The following EVA1A variants were observed in gnomAD, a reference collection of about 807,000 sequenced individuals.
EVA1A encodes protein eva-1 homolog A.
A neutral mutation model predicts 9.8 loss-of-function variants in EVA1A; 7 were observed. The observed-to-expected ratio is 0.71, with a 90% CI of 0.41 to 1.34. The LOEUF is 1.34. Ranked by LOEUF, EVA1A falls within the 40% of genes most tolerant of loss-of-function variation. The pLI, the probability that EVA1A is intolerant of heterozygous loss-of-function variation, is 0.01. For missense variants in EVA1A, 206 were observed against 205.9 expected, an observed-to-expected ratio of 1.00 and a Z score of 0.00; for synonymous variants, 90 against 85.6, an observed-to-expected ratio of 1.05 and a Z score of -0.28.
chr2:75,565,444 T>C (rs1416894597), upstream of EVA1A, among the ~76,000 whole-genome samples: 1 of 152,152 alleles, frequency 6.6e-6, no homozygotes, highest in Non-Finnish European at 1.5e-5. Context: ...CTCTCCTGTG[T>C]GCGGAGTATT....
intron 1 of EVA1A, among the ~76,000 whole-genome samples, chr2:75,548,805 T>A (rs1259339095): frequency 6.6e-6 from 1 of 151,936 alleles, no homozygotes; most frequent in Admixed American, 6.6e-5. Context: ...CAGTTTATAA[T>A]CATCATGTAT....
intron 2 of EVA1A, chr2:75,518,494 A>G (rs1358004117): frequency 7.2e-6 from 5 of 689,726 alleles, no homozygotes; most frequent in Non-Finnish European, 9.1e-6. Flanking sequence ...CAGTGGGGCC[A>G]CAAAGATTTG....
intron 3 of EVA1A, among the ~76,000 whole-genome samples, chr2:75,495,018 G>A (rs1409681529): frequency 1.3e-5 from 2 of 152,152 alleles, no homozygotes; most frequent in East Asian, 1.9e-4. Flanking sequence ...AGGTACCTAC[G>A]AGGACAAAGG....
At chr2:75,548,995 T>C (rs984455850) in intron 1 of EVA1A, among the ~76,000 whole-genome samples, 4 of 91,806 alleles carry the variant, frequency 4.4e-5, no homozygotes, top group African/African-American at 2.2e-4. Flanking sequence ...TATATATATA[T>C]ATATATATAT....
chr2:75,560,200 T>C (rs1019003498), intron 1 of EVA1A, among the ~76,000 whole-genome samples: 2 of 151,096 alleles, frequency 1.3e-5, no homozygotes, highest in South Asian at 2.1e-4. Flanking sequence ...GTCCTGGGGG[T>C]CGCCAAATGC....
chr2:75,544,285 G>C (rs1289763524), intron 1 of EVA1A, among the ~76,000 whole-genome samples: 1 of 152,192 alleles, frequency 6.6e-6, no homozygotes, highest in Non-Finnish European at 1.5e-5. Flanking sequence ...GCCAGGAAGG[G>C]CTCAGGGACT....
intron 3 of EVA1A, among the ~76,000 whole-genome samples, chr2:75,493,914 G>T (rs1247975667): frequency 6.6e-6 from 1 of 152,206 alleles, no homozygotes; most frequent in Non-Finnish European, 1.5e-5. Context: ...GCAAGCAGCC[G>T]TGCTTAGGTG....
chr2:75,565,753 G>T (rs921914229), upstream of EVA1A, among the ~76,000 whole-genome samples: 3 of 152,164 alleles, frequency 2.0e-5, no homozygotes, highest in African/African-American at 7.2e-5. Context: ...AAAGGAAATT[G>T]CCTCATGGCC....
At chr2:75,495,055 A>G (rs1202048226) in intron 3 of EVA1A, among the ~76,000 whole-genome samples, 1 of 152,066 alleles carries the variant, frequency 6.6e-6, no homozygotes, top group Non-Finnish European at 1.5e-5. Flanking sequence ...AGTACACCGT[A>G]CCCAATGTAT....
At chr2:75,527,027 A>C (rs1675470353) in intron 1 of EVA1A, among the ~76,000 whole-genome samples, 1 of 152,162 alleles carries the variant, frequency 6.6e-6, no homozygotes, top group Admixed American at 6.5e-5. Flanking sequence ...AACCCAACAC[A>C]ACTGGTGCAG....
intron 3 of EVA1A, among the ~76,000 whole-genome samples, chr2:75,507,451 A>T (rs1263922694): frequency 6.6e-6 from 1 of 152,124 alleles, no homozygotes; most frequent in Non-Finnish European, 1.5e-5. Context: ...AATTTCTAGA[A>T]TTTCCAAAGA....
chr2:75,497,476 C>G (rs779262722), intron 3 of EVA1A, among the ~76,000 whole-genome samples: 1 of 152,032 alleles, frequency 6.6e-6, no homozygotes, highest in African/African-American at 2.4e-5. Flanking sequence ...ATCAAAACCA[C>G]GACGAGATAC....
In EVA1A at chr2:75,536,824, C is replaced by CA. The variant is rs145872980; in HGVS notation, c.-191-14338dup. On this transcript the variant is annotated intron_variant, in intron 1 of 3. Transcript: ENST00000393913. The stretch of plus-strand genomic sequence containing the variant: ...ATTCGTAATTTTAACCCCCCCGCTC[C>CA]AAAAAAAAACAACTTCAGGCCTAGA... 1.3e-3 allele frequency among the ~76,000 whole-genome samples: 194 copies of CA among 149,368 alleles called. 4 individuals carry two copies. The East Asian group carries it at 0.017, about 13-fold the overall frequency.
chr2:75,543,992 A>T (rs1465190839), intron 1 of EVA1A, among the ~76,000 whole-genome samples: 1 of 152,216 alleles, frequency 6.6e-6, no homozygotes, highest in Non-Finnish European at 1.5e-5. Flanking sequence ...TAAAATGGTA[A>T]ACACAGACAA....
At chr2:75,513,021 T>C (rs937376946) in intron 3 of EVA1A, among the ~76,000 whole-genome samples, 1 of 152,200 alleles carries the variant, frequency 6.6e-6, no homozygotes, top group Non-Finnish European at 1.5e-5. Flanking sequence ...GGAGATCTAC[T>C]GGAACCTCCT....
At chr2:75,560,217 C>T (rs945762624) in intron 1 of EVA1A, among the ~76,000 whole-genome samples, 6 of 152,100 alleles carry the variant, frequency 3.9e-5, no homozygotes, top group Non-Finnish European at 7.3e-5. Flanking sequence ...ATGCGCGCGG[C>T]GAGTTGGCTG....
chr2:75,514,757 G>A (rs1343330400), intron 3 of EVA1A, among the ~76,000 whole-genome samples: 2 of 152,036 alleles, frequency 1.3e-5, no homozygotes, highest in Non-Finnish European at 2.9e-5. Flanking sequence ...AAATAATTCT[G>A]AGATCAATCA....
chr2:75,497,850 C>CAAA (rs33933086), intron 3 of EVA1A, among the ~76,000 whole-genome samples: 3,327 of 65,902 alleles, frequency 0.05, 236 homozygotes, highest in African/African-American at 0.091. Context: ...GATCCTGTCT[C>CAAA]AAAAAAAAAA....
chr2:75,502,718 A>G (rs1280242433), intron 3 of EVA1A, among the ~76,000 whole-genome samples: 7 of 152,188 alleles, frequency 4.6e-5, no homozygotes, highest in Non-Finnish European at 1.0e-4. Flanking sequence ...TCTCTTTGCC[A>G]AGATCTGGAA....
Sources: allele counts gnomAD v4.1 joint callset (sites outside exome capture counted in the v4.1 genomes callset), GRCh38; gene constraint gnomAD v4.1.1; transcripts MANE v1.5; gene names NCBI Gene and HGNC (gene_info 2026-07-23, HGNC 2026-07-21).